The following RC3H1 variants were observed in gnomAD, a reference collection of about 807,000 sequenced individuals.
RC3H1 encodes roquin-1.
RC3H1 carries 50 observed loss-of-function variants against 138.2 expected under a neutral mutation model. The observed-to-expected ratio is 0.36, with a 90% CI of 0.29 to 0.46. The LOEUF is 0.46. RC3H1 is among the 20% of genes least tolerant of loss of function. RC3H1 has a pLI of 1.00. For missense variants in RC3H1, 1,031 were observed against 1,388.1 expected, an observed-to-expected ratio of 0.74 and a Z score of 4.09; for synonymous variants, 462 against 489.1, an observed-to-expected ratio of 0.94 and a Z score of 0.73.
chr1:173,985,771 C>T (rs766931267), intron 2 of RC3H1, among the ~76,000 whole-genome samples: 5 of 152,246 alleles, frequency 3.3e-5, no homozygotes, highest in Non-Finnish European at 7.4e-5. Flanking sequence ...TGATAATTAT[C>T]TCTTCTTCCC....
intron 5 of RC3H1, 37 bp downstream of exon 5, chr1:173,982,690 A>G (rs1358898530): frequency 6.6e-7 from 1 of 1,507,056 alleles, no homozygotes; most frequent in East Asian, 2.4e-5. Context: ...AAAGAACAAT[A>G]TTTCCTTTCA....
At chr1:173,993,559 A>G (rs1159626816) in intron 1 of RC3H1, among the ~76,000 whole-genome samples, 2 of 151,572 alleles carry the variant, frequency 1.3e-5, no homozygotes, top group African/African-American at 4.8e-5. Flanking sequence ...ACACCTGACT[A>G]ATTTTGTATT....
intron 2 of RC3H1, among the ~76,000 whole-genome samples, chr1:173,986,897 C>T (rs982541337): frequency 6.6e-6 from 1 of 152,154 alleles, no homozygotes; most frequent in African/African-American, 2.4e-5. Context: ...TTGGCTTGGA[C>T]ACTTTCTCAG....
chr1:173,947,218 T>C, intron 15 of RC3H1, 151 bp downstream of exon 15: 1 of 628,890 alleles, frequency 1.6e-6, no homozygotes, highest in Admixed American at 2.9e-5. Context: ...CTGGGTTATA[T>C]TACCTTTCTT....
intron 13 of RC3H1, among the ~76,000 whole-genome samples, chr1:173,958,501 G>A (rs916858104): frequency 6.6e-6 from 1 of 151,358 alleles, no homozygotes; most frequent in Non-Finnish European, 1.5e-5. Flanking sequence ...AGCCGAGATC[G>A]CACCACTGCA....
chr1:174,013,861 C>T (rs998929125), intron 1 of RC3H1, among the ~76,000 whole-genome samples: 5 of 152,098 alleles, frequency 3.3e-5, no homozygotes, highest in African/African-American at 1.2e-4. Context: ...GGAGCACTGC[C>T]TGAGCCCAGG....
At chr1:173,974,400 A>C (rs1009820350) in intron 7 of RC3H1, among the ~76,000 whole-genome samples, 9 of 152,146 alleles carry the variant, frequency 5.9e-5, no homozygotes, top group Non-Finnish European at 1.3e-4. Context: ...GAGACTTTCA[A>C]ATATATAAAT....
Position 173,936,757 on chromosome 1 carries a change from ATATATTTTTT to A in RC3H1, c.*1954_*1963del, listed in dbSNP as rs1362240685. Reference sequence around the variant, plus strand: ...TATATATATATATATATATATATATATATATTTTTTTTTTTTTTTTTAAAAAAAGAAGACA... The same window carrying A: ...TATATATATATATATATATATATATATTTTTTTTTTTAAAAAAAGAAGACA... On this transcript the variant is annotated 3_prime_UTR_variant, in exon 20 of 20. Transcript: ENST00000367696. 590 of 29,138 alleles carry A rather than the reference ATATATTTTTT, an allele frequency of 0.02. 5 individuals carry two copies. The African/African-American group carries it at 0.2, about 10-fold the overall frequency. 1.8% of individuals were successfully genotyped at this position (29,138 alleles called of 1,614,324 possible). A position where few individuals can be genotyped will look rare whatever the true frequency, so the allele number is the denominator to read the frequency against.
rs1165064958 is a variant in RC3H1, at chr1:173,982,783, A to T, written c.712T>A (p.Ser238Thr). ...ACAACATGCCCAATGCTAGTTTTAG[A>T]GGCTTGAGGAAACCGTGGCTCCAAT... ...QRLEPRFPQA[S>T]KTSIGHVVQL... The change falls in exon 5 of 20, where the codon TCT (serine) becomes ACT (threonine). Residue 238 changes from serine (S) to threonine (T), a missense_variant. By Grantham distance (58) the Ser-to-Thr change is moderately conservative. Transcript: ENST00000367696. 6.2e-7 allele frequency: 1 copy of T among 1,613,590 alleles called. No homozygotes were observed. The highest frequency in any genetic ancestry group is 2.2e-5 in the East Asian group (1 of 44,814).
rs1257560014 is a variant in RC3H1, at chr1:173,936,791, C to CAAA, written c.*1927_*1929dup. On this transcript the variant is annotated 3_prime_UTR_variant, in exon 20 of 20. Coordinates refer to ENST00000367696, the MANE Select transcript of RC3H1 (RefSeq NM_172071.4). ...TTTTTTTTTTTTTAAAAAAAGAAGA[C>CAAA]AAATGTATAAGAAAACTGGAAAAAA... The CAAA allele has an allele frequency of 2.8e-5, 2 of 71,110 alleles. No individual in the cohort carries two copies. Among genetic ancestry groups the CAAA allele is most frequent in the African/African-American group, 9.6e-5 (2 of 20,748 alleles). 4.4% of individuals were successfully genotyped at this position (71,110 alleles called of 1,614,324 possible).
chr1:173,984,713 C>G, intron 2 of RC3H1, 94 bp from the exon 3 acceptor site: 3 of 1,234,170 alleles, frequency 2.4e-6, no homozygotes, highest in Non-Finnish European at 3.3e-6. Flanking sequence ...ACACTGGTAA[C>G]ATCAAAACGC....
chr1:173,961,696 T>G (rs771807294), intron 12 of RC3H1, 29 bp downstream of exon 12: 11 of 1,581,702 alleles, frequency 7.0e-6, no homozygotes, highest in Non-Finnish European at 6.0e-6. Context: ...TCAAATTAAG[T>G]CTATGTAATA....
chr1:174,012,090 A>G (rs1445530408), intron 1 of RC3H1, among the ~76,000 whole-genome samples: 1 of 151,302 alleles, frequency 6.6e-6, no homozygotes, highest in African/African-American at 2.5e-5. Flanking sequence ...ACGCACCTGT[A>G]GTCCCAGCTA....
At chr1:173,994,000 A>G (rs1460243158) in intron 1 of RC3H1, among the ~76,000 whole-genome samples, 1 of 145,296 alleles carries the variant, frequency 6.9e-6, no homozygotes, top group Non-Finnish European at 1.5e-5. Context: ...ACTCTGGGGA[A>G]CAAGAGTGAA....
rs953534772 is a variant in RC3H1, at chr1:173,934,660, A to G, written c.*4061T>C. The G allele has an allele frequency of 6.6e-6, 1 of 152,210 alleles. No homozygotes were observed. Among genetic ancestry groups the G allele is most frequent in the African/African-American group, 2.4e-5 (1 of 41,452 alleles). The allele number at this position is 152,210 out of a possible 1,614,324, so 9.4% of individuals were successfully genotyped here. A position where few individuals can be genotyped will look rare whatever the true frequency, so the allele number is the denominator to read the frequency against. The stretch of plus-strand genomic sequence containing the variant: ...AGTAGGGCAAATACCACATTTGTGC[A>G]TCACTGAGTAATAACACCATTAGAA... On this transcript the variant is annotated 3_prime_UTR_variant, in exon 20 of 20. Coordinates refer to ENST00000367696, the MANE Select transcript of RC3H1 (RefSeq NM_172071.4).
chr1:173,974,550 C>T (rs764762678), intron 7 of RC3H1, among the ~76,000 whole-genome samples: 38 of 151,678 alleles, frequency 2.5e-4, no homozygotes, highest in Non-Finnish European at 4.6e-4. Flanking sequence ...GAATAATATA[C>T]CAAGGGAAAA....
At chr1:174,017,715 T>G (rs2103113475) in intron 1 of RC3H1, among the ~76,000 whole-genome samples, 1 of 139,558 alleles carries the variant, frequency 7.2e-6, no homozygotes, top group East Asian at 2.3e-4. Context: ...TTATGTGACT[T>G]AACCTCAATA....
Position 173,993,103 on chromosome 1 carries a change from TAGATACAGTCAGC to T in RC3H1, c.-131_-119del, listed in dbSNP as rs756397823. ...CTTTTTTTTTTTTAAATATCTTCTG[TAGATACAGTCAGC>T]ACATAGTGTGAAATATAACCTGAAA... On this transcript the variant is annotated 5_prime_UTR_variant, in exon 2 of 20. The change abolishes the stop of an existing upstream ORF in the 5' untranslated region. Coordinates refer to ENST00000367696, the MANE Select transcript of RC3H1 (RefSeq NM_172071.4). 7 of 706,622 alleles carry T rather than the reference TAGATACAGTCAGC, an allele frequency of 9.9e-6. No homozygotes were observed. Among genetic ancestry groups the T allele is most frequent in the Non-Finnish European group, 1.7e-5 (7 of 419,998 alleles). The allele number at this position is 706,622 out of a possible 1,614,324, so 43.8% of individuals were successfully genotyped here.
chr1:173,957,557 C>T (rs184481895), intron 13 of RC3H1, among the ~76,000 whole-genome samples: 2 of 152,096 alleles, frequency 1.3e-5, no homozygotes, highest in Admixed American at 1.3e-4. Flanking sequence ...TTTCTTCCCC[C>T]CCTCTAATTT....
Sources: allele counts gnomAD v4.1 joint callset (sites outside exome capture counted in the v4.1 genomes callset), GRCh38; gene constraint gnomAD v4.1.1; transcripts MANE v1.5; gene names NCBI Gene and HGNC (gene_info 2026-07-23, HGNC 2026-07-21).